The following ZNF197 variants were observed in gnomAD, a reference collection of about 807,000 sequenced individuals.
ZNF197 encodes zinc finger protein 197.
Under a neutral mutation model 27.4 loss-of-function variants are expected in ZNF197, and 14 were observed. The observed-to-expected ratio is 0.51, with a 90% CI of 0.34 to 0.80. The LOEUF (loss-of-function observed/expected upper bound fraction) is 0.80. ZNF197 is among the 30% of genes least tolerant of loss of function. The pLI, the probability that ZNF197 is intolerant of heterozygous loss-of-function variation, is 0.02. For missense variants in ZNF197, 1,090 were observed against 1,222.6 expected, an observed-to-expected ratio of 0.89 and a Z score of 1.62; for synonymous variants, 415 against 420.0, an observed-to-expected ratio of 0.99 and a Z score of 0.15.
chr3:44,641,670 T>C (rs570016476), intron 5 of ZNF197, among the ~76,000 whole-genome samples: 1 of 152,254 alleles, frequency 6.6e-6, no homozygotes, highest in Non-Finnish European at 1.5e-5. Context: ...TCTATCTGCT[T>C]CCTGAAGACA....
intron 3 of ZNF197, among the ~76,000 whole-genome samples, chr3:44,631,561 C>T (rs1237929350): frequency 3.3e-5 from 5 of 151,722 alleles, no homozygotes; most frequent in South Asian, 2.1e-4. Flanking sequence ...CCACTGTGCC[C>T]GGCTAGTTTT....
Position 44,646,338 on chromosome 3 carries a change from A to G in ZNF197, c.*2118A>G, listed in dbSNP as rs908067160. On this transcript the variant is annotated 3_prime_UTR_variant, in exon 6 of 6. Transcript: ENST00000344387. ...TACAAAGGACATATGTACTTTAACAATGGAGAATGCTGTGATTTACCTCTT... is the reference window on the plus strand; with the variant it reads ...TACAAAGGACATATGTACTTTAACAGTGGAGAATGCTGTGATTTACCTCTT... 1.3e-5 allele frequency: 13 copies of G among 985,352 alleles called. No homozygotes were observed. The highest frequency in any genetic ancestry group is 5.2e-5 in the African/African-American group (3 of 57,252). The allele number at this position is 985,352 out of a possible 1,614,324, so 61.0% of individuals were successfully genotyped here.
rs745377626 is a variant in ZNF197, at chr3:44,643,497, CTA to C, written c.2369_2370del (p.Tyr790Ter). ...AGAGAATCCACAGTGGTGAGAAACC[CTA>C]TGAGTGTGATGAGTGTGGCAAATGC... The part of the protein sequence containing the change: ...HKRIHSGEKP[Y>X]ECDECGKCFI... On this transcript the variant is annotated frameshift_variant, in exon 6 of 6. Transcript: ENST00000344387. LOFTEE classifies it low-confidence loss of function (END_TRUNC). The C allele has an allele frequency of 6.3e-5, 102 of 1,614,114 alleles. No individual in the cohort carries two copies. Among genetic ancestry groups the C allele is most frequent in the Non-Finnish European group, 8.5e-5 (100 of 1,180,002 alleles).
intron 5 of ZNF197, among the ~76,000 whole-genome samples, chr3:44,632,853 T>C (rs542535344): frequency 3.7e-4 from 57 of 152,298 alleles, no homozygotes; most frequent in South Asian, 2.5e-3. Context: ...CACAGTTTTA[T>C]AGCTTGCTTT....
intron 5 of ZNF197, among the ~76,000 whole-genome samples, chr3:44,633,642 G>A (rs944112792): frequency 1.4e-4 from 22 of 152,190 alleles, no homozygotes; most frequent in Admixed American, 1.4e-3. Flanking sequence ...CAGTTTAAAT[G>A]GCTGCAGAGT....
At chr3:44,626,090 ATGTT>A (rs1197273131) in intron 1 of ZNF197, among the ~76,000 whole-genome samples, 2 of 152,128 alleles carry the variant, frequency 1.3e-5, no homozygotes, top group African/African-American at 2.4e-5. Flanking sequence ...AATAAAATGT[ATGTT>A]TAAGAATTTG....
rs1469698717 is a variant in ZNF197 at position 44,645,620 on chromosome 3, G to A, written c.*1400G>A. 1.0e-6 allele frequency: 1 copy of A among 985,236 alleles called. No individual in the cohort carries two copies. The highest frequency in any genetic ancestry group is 1.2e-6 in the Non-Finnish European group (1 of 829,930). 61.0% of individuals were successfully genotyped at this position (985,236 alleles called of 1,614,324 possible). A position where few individuals can be genotyped will look rare whatever the true frequency, so the allele number is the denominator to read the frequency against. On this transcript the variant is annotated 3_prime_UTR_variant, in exon 6 of 6. Transcript: ENST00000344387. ...TGGTACCCTGCTTTCCCTATTCAGA[G>A]GGAAAAAAATCCTTGACCCGCAGTT... is the stretch of plus-strand genomic sequence containing the variant.
Position 44,645,601 on chromosome 3 carries a change from C to A in ZNF197, c.*1381C>A. On this transcript the variant is annotated 3_prime_UTR_variant, in exon 6 of 6. Coordinates refer to ENST00000344387, the MANE Select transcript of ZNF197 (RefSeq NM_006991.5). ...TGTCAAAATGGAAGGGCAGTGGTAC[C>A]CTGCTTTCCCTATTCAGAGGGAAAA... 1 of 985,272 alleles carries A rather than the reference C, an allele frequency of 1.0e-6. No homozygotes were observed. Among genetic ancestry groups the A allele is most frequent in the Middle Eastern group, 5.2e-4 (1 of 1,912 alleles). 61.0% of individuals were successfully genotyped at this position (985,272 alleles called of 1,614,324 possible).
At chr3:44,625,408 C>G (rs1312078287) in intron 1 of ZNF197, among the ~76,000 whole-genome samples, 1 of 152,208 alleles carries the variant, frequency 6.6e-6, no homozygotes, top group Non-Finnish European at 1.5e-5. Flanking sequence ...TCTGCTGGCG[C>G]TTTGAGAAGA....
chr3:44,627,384 C>T (rs1701730969), intron 1 of ZNF197, among the ~76,000 whole-genome samples: 1 of 152,220 alleles, frequency 6.6e-6, no homozygotes, highest in Non-Finnish European at 1.5e-5. Flanking sequence ...TCTACTCCTA[C>T]ACTCTTGCCT....
Position 44,645,311 on chromosome 3 carries a change from TAAGTC to T in ZNF197, c.*1094_*1098del, listed in dbSNP as rs1702892663. ...CATGGGATCATGTAAGTTTGTGTAT[TAAGTC>T]AATATTAGAATGAGGGGGATTCCAG... On this transcript the variant is annotated 3_prime_UTR_variant, in exon 6 of 6. Coordinates refer to ENST00000344387, the MANE Select transcript of ZNF197 (RefSeq NM_006991.5). The T allele has an allele frequency of 1.0e-6, 1 of 985,292 alleles. No homozygotes were observed. 61.0% of individuals were successfully genotyped at this position (985,292 alleles called of 1,614,324 possible).
chr3:44,642,074 A>G lies in ZNF197; in HGVS notation c.944A>G (p.Asp315Gly), dbSNP rs1411978811. 3.7e-6 allele frequency: 6 copies of G among 1,614,058 alleles called. No individual in the cohort carries two copies. In the Admixed American group the frequency reaches 5.0e-5, roughly 13 times the overall value. Residue 315 changes from aspartate to glycine, a missense_variant, in exon 6 of 6, where the codon GAT becomes GGT. By Grantham distance (94) the Asp-to-Gly change is moderately conservative. Transcript: ENST00000344387. The stretch of plus-strand genomic sequence containing the variant: ...GCAAGTCAGTGGGGAAATGAAACAG[A>G]TGAAAGGGCAGATACAGTGAAGAAA... ...VLASQWGNET[D>G]ERADTVKKVS...
Position 44,647,216 on chromosome 3 carries a change from T to C in ZNF197, c.*2996T>C, listed in dbSNP as rs1264112597. The C allele has an allele frequency of 6.6e-6, 1 of 151,802 alleles. No homozygotes were observed. The highest frequency in any genetic ancestry group is 2.4e-5 in the African/African-American group (1 of 41,338). The allele number at this position is 151,802 out of a possible 1,614,324, so 9.4% of individuals were successfully genotyped here. A position where few individuals can be genotyped will look rare whatever the true frequency, so the allele number is the denominator to read the frequency against. ...GATAGCAAATAAGCAAATGAAAAGA[T>C]GTTCAACATCATTAGGCATGAGGGA... is the stretch of plus-strand genomic sequence containing the variant. On this transcript the variant is annotated 3_prime_UTR_variant, in exon 6 of 6. Coordinates refer to ENST00000344387, the MANE Select transcript of ZNF197 (RefSeq NM_006991.5).
At position 44,646,227 on chromosome 3, in the gene ZNF197, A is replaced by AT; in HGVS notation, c.*2008dup. On this transcript the variant is annotated 3_prime_UTR_variant, in exon 6 of 6. Coordinates refer to ENST00000344387, the MANE Select transcript of ZNF197 (RefSeq NM_006991.5). ...CCTCATCTGTTAAACAGGAGGAAGA[A>AT]TATCTACCTCACAAAGTTCTTATGA... The AT allele has an allele frequency of 1.0e-6, 1 of 975,808 alleles. No homozygotes were observed. The highest frequency in any genetic ancestry group is 1.2e-6 in the Non-Finnish European group (1 of 821,164). The allele number at this position is 975,808 out of a possible 1,614,324, so 60.4% of individuals were successfully genotyped here.
At position 44,643,988 on chromosome 3, in the gene ZNF197, CAG is replaced by C. The variant is rs758452081; in HGVS notation, c.2859_2860del (p.Lys956ThrfsTer5). The C allele has an allele frequency of 3.2e-5, 52 of 1,614,126 alleles. No homozygotes were observed. The highest frequency in any genetic ancestry group is 3.3e-4 in the Middle Eastern group (2 of 6,058). Reference sequence around the variant, plus strand: ...TTAGTTGGCCACCAGAGAATTCACACAGGGGAGAAACCCTATGGGTGTAATGA... The same window carrying C: ...TTAGTTGGCCACCAGAGAATTCACACGGGAGAAACCCTATGGGTGTAATGA... On this transcript the variant is annotated frameshift_variant, in exon 6 of 6. Transcript: ENST00000344387. LOFTEE classifies it low-confidence loss of function (END_TRUNC).
At position 44,643,029 on chromosome 3, in the gene ZNF197, A is replaced by G; in HGVS notation, c.1899A>G (p.Gln633=). The change falls in exon 6 of 6, where the codon CAA becomes CAG. Residue 633 remains glutamine, a synonymous_variant. Transcript: ENST00000344387. Reference sequence around the variant, plus strand: ...CTGAATGTGGGAAAGCCTTTACTCAAAGTGCTTACCTTTTTGACCACCAGA... The same window carrying G: ...CTGAATGTGGGAAAGCCTTTACTCAGAGTGCTTACCTTTTTGACCACCAGA... The part of the protein sequence containing the change: ...KCTECGKAFT[Q]SAYLFDHQRL... The G allele has an allele frequency of 6.2e-7, 1 of 1,613,656 alleles. No homozygotes were observed. Among genetic ancestry groups the G allele is most frequent in the Non-Finnish European group, 8.5e-7 (1 of 1,179,888 alleles).
At chr3:44,628,894 T>G (rs960679720) in intron 1 of ZNF197, 180 bp from the exon 2 acceptor site, 33 of 328,592 alleles carry the variant, frequency 1.0e-4, no homozygotes, top group Non-Finnish European at 1.5e-4. Context: ...ACATGAGTGT[T>G]TGTATCCCAG....
Position 44,645,092 on chromosome 3 carries a change from TTCC to T in ZNF197, c.*873_*875del, listed in dbSNP as rs1702882149. On this transcript the variant is annotated 3_prime_UTR_variant, in exon 6 of 6. Coordinates refer to ENST00000344387, the MANE Select transcript of ZNF197 (RefSeq NM_006991.5). ...GAAGACCTACCTTTGATTCCTGGCT[TTCC>T]CTTAATGGCCATGTGATGTTATTAA... 1.0e-6 allele frequency: 1 copy of T among 982,072 alleles called. No homozygotes were observed. The highest frequency in any genetic ancestry group is 1.8e-5 in the African/African-American group (1 of 57,142). 60.8% of individuals were successfully genotyped at this position (982,072 alleles called of 1,614,324 possible). A position where few individuals can be genotyped will look rare whatever the true frequency, so the allele number is the denominator to read the frequency against.
chr3:44,642,025 G>A lies in ZNF197; in HGVS notation c.895G>A (p.Glu299Lys). Residue 299 changes from glutamate (E) to lysine (K), a missense_variant, in exon 6 of 6, where the codon GAA (glutamate) becomes AAA (lysine). Coordinates refer to ENST00000344387, the MANE Select transcript of ZNF197 (RefSeq NM_006991.5). Reference protein sequence around the residue: ...GSVPQVLDFEEECEWQVLASQ... With the variant: ...GSVPQVLDFEKECEWQVLASQ... ...TGTTCCCCAGGTCCTTGATTTTGAA[G>A]AAGAGTGTGAATGGCAAGTTTTGGC... is the stretch of plus-strand genomic sequence containing the variant. 1 of 1,614,102 alleles carries A rather than the reference G, an allele frequency of 6.2e-7. No homozygotes were observed. The highest frequency in any genetic ancestry group is 8.5e-7 in the Non-Finnish European group (1 of 1,179,986).
Sources: allele counts gnomAD v4.1 joint callset (sites outside exome capture counted in the v4.1 genomes callset), GRCh38; gene constraint gnomAD v4.1.1; transcripts MANE v1.5; gene names NCBI Gene and HGNC (gene_info 2026-07-23, HGNC 2026-07-21).